Variants in ZEB1 observed in about 807,000 individuals in gnomAD.
ZEB1 encodes the protein zinc finger E-box binding homeobox 1, also known as zinc finger E-box-binding homeobox 1.
ZEB1 carries 21 observed loss-of-function variants against 84.9 expected under a neutral mutation model. The ratio of observed to expected loss-of-function variants is 0.25; its 90% CI spans 0.18 to 0.36. The LOEUF (loss-of-function observed/expected upper bound fraction) is 0.36, where lower values mean the gene tolerates loss of function less well. ZEB1 is among the 10% of genes least tolerant of loss of function. The pLI is 1.00. For synonymous variants in ZEB1, 420 were observed against 471.1 expected (o/e 0.89, Z 1.41); for missense variants, 1,104 against 1,330.2 (o/e 0.83, Z 2.65).
intron 2 of ZEB1, among the ~76,000 whole-genome samples, chr10:31,474,963 A>G (rs1379917483): frequency 6.6e-6 from 1 of 151,962 alleles, no homozygotes; most frequent in South Asian, 2.1e-4. Flanking sequence ...TCGCAAGAAC[A>G]AAAAATCAAA....
chr10:31,506,905 T>C (rs1275052371), intron 4 of ZEB1, among the ~76,000 whole-genome samples: 1 of 152,108 alleles, frequency 6.6e-6, no homozygotes, highest in Non-Finnish European at 1.5e-5. Context: ...TCTTTCTTAT[T>C]TGTACTTGTT....
intron 1 of ZEB1, among the ~76,000 whole-genome samples, chr10:31,443,285 A>G (rs67181802): frequency 0.16 from 25,019 of 151,944 alleles, 2,650 homozygotes; most frequent in East Asian, 0.36. Context: ...TGTGTTGCAC[A>G]TATTTTTCAC....
chr10:31,331,139 G>C (rs1330876678), intron 1 of ZEB1, among the ~76,000 whole-genome samples: 1 of 135,540 alleles, frequency 7.4e-6, no homozygotes, highest in Non-Finnish European at 1.5e-5. Flanking sequence ...GCCCAGGCTG[G>C]AATGCAGTGG....
At chr10:31,374,674 A>G (rs929082502) in intron 1 of ZEB1, 3 of 151,870 alleles carry the variant, frequency 2.0e-5, no homozygotes, top group Admixed American at 2.0e-4. Context: ...TATTTATTAG[A>G]TTGAATTGAT....
intron 2 of ZEB1, among the ~76,000 whole-genome samples, chr10:31,465,518 CTT>C (rs2062310942): frequency 6.6e-6 from 1 of 151,678 alleles, no homozygotes; most frequent in Non-Finnish European, 1.5e-5. Context: ...GCACTTAAAA[CTT>C]TTCAGAAAAC....
intron 2 of ZEB1, among the ~76,000 whole-genome samples, chr10:31,463,004 G>A (rs1456235032): frequency 1.3e-5 from 2 of 152,166 alleles, no homozygotes; most frequent in Non-Finnish European, 2.9e-5. Flanking sequence ...ACTCAGAGAA[G>A]TTGACTTGCT....
chr10:31,362,088 G>A (rs1177486613), intron 1 of ZEB1, among the ~76,000 whole-genome samples: 7 of 149,146 alleles, frequency 4.7e-5, no homozygotes, highest in East Asian at 4.1e-4. Flanking sequence ...TGAGGAGGCC[G>A]GGCAGGGGCA....
chr10:31,526,692 G>A lies in ZEB1; in HGVS notation c.2806G>A (p.Gly936Arg), dbSNP rs1352966657. The A allele has an allele frequency of 2.5e-6, 4 of 1,613,806 alleles. No homozygotes were observed. Among genetic ancestry groups the A allele is most frequent in the East Asian group, 2.2e-5 (1 of 44,836 alleles). ...TGCAGGTAAAAGACCTCATGAGTGT[G>A]GAATCTGTAAAAAGGCATTTAAACA... The part of the protein sequence containing the change: ...EHTGKRPHEC[G>R]ICKKAFKHKH... Residue 936 changes from glycine (G) to arginine (R), a missense_variant, in exon 9 of 9, where the codon GGA (glycine) becomes AGA (arginine). This residue lies in a region of ZEB1 where 53 missense variants were observed against 92.5 expected (regional missense o/e 0.57). Coordinates refer to ENST00000424869, the MANE Select transcript of ZEB1 (RefSeq NM_001174096.2).
At chr10:31,447,916 T>A (rs544860349) in intron 1 of ZEB1, among the ~76,000 whole-genome samples, 12 of 152,256 alleles carry the variant, frequency 7.9e-5, no homozygotes, top group African/African-American at 2.9e-4. Context: ...TTGAGGAGTA[T>A]CTTTTTGGCG....
intron 1 of ZEB1, among the ~76,000 whole-genome samples, chr10:31,406,100 C>T (rs2052966636): frequency 6.6e-6 from 1 of 152,070 alleles, no homozygotes; most frequent in South Asian, 2.1e-4. Context: ...CATTGATGGA[C>T]ATTTGAATTG....
At chr10:31,376,061 T>A (rs1369150021) in intron 1 of ZEB1, among the ~76,000 whole-genome samples, 2 of 151,786 alleles carry the variant, frequency 1.3e-5, no homozygotes, top group Non-Finnish European at 1.5e-5. Flanking sequence ...AGCTACTATT[T>A]ATAGTGAGAT....
chr10:31,443,064 A>G (rs1220039240), intron 1 of ZEB1, among the ~76,000 whole-genome samples: 3 of 152,226 alleles, frequency 2.0e-5, no homozygotes, highest in African/African-American at 7.2e-5. Flanking sequence ...AGAGAGAGCA[A>G]GAAAGTTGAG....
At chr10:31,400,709 C>T (rs796160199) in intron 1 of ZEB1, among the ~76,000 whole-genome samples, 32 of 152,190 alleles carry the variant, frequency 2.1e-4, no homozygotes, top group African/African-American at 7.2e-4. Flanking sequence ...TTTTCAGGAT[C>T]CTTGTTCTGT....
At chr10:31,509,934 T>C (rs764186768) in intron 4 of ZEB1, among the ~76,000 whole-genome samples, 2 of 152,202 alleles carry the variant, frequency 1.3e-5, no homozygotes, top group Non-Finnish European at 2.9e-5. Context: ...TCAGAATGCC[T>C]TTGTTTTCTA....
At chr10:31,430,268 G>A (rs576396515) in intron 1 of ZEB1, among the ~76,000 whole-genome samples, 1 of 152,246 alleles carries the variant, frequency 6.6e-6, no homozygotes, top group South Asian at 2.1e-4. Context: ...GTGTACTGGG[G>A]AAACTGTGTA....
In ZEB1 at chr10:31,521,676, A is replaced by C. The variant is rs779430575; in HGVS notation, c.2344A>C (p.Ser782Arg). 12 of 1,614,182 alleles carry C rather than the reference A, an allele frequency of 7.4e-6. No homozygotes were observed. The South Asian group carries it at 1.3e-4, about 18-fold the overall frequency. ...SCAKKEPQKD[S>R]CVTDSEPVVN... ...CGCAAAAAAGGAGCCACAAAAGGAC[A>C]GTTGTGTTACAGACTCAGAACCAGT... Residue 782 changes from serine (S) to arginine (R), a missense_variant, in exon 7 of 9, where the codon AGT (serine) becomes CGT (arginine). Transcript: ENST00000424869.
chr10:31,443,910 TC>T (rs1166324078), intron 1 of ZEB1, among the ~76,000 whole-genome samples: 4 of 150,968 alleles, frequency 2.6e-5, no homozygotes, highest in African/African-American at 7.4e-5. Context: ...TGATTTATAG[TC>T]CTTTGGGTAT....
chr10:31,431,664 G>T (rs1305418416), intron 1 of ZEB1, among the ~76,000 whole-genome samples: 2 of 151,986 alleles, frequency 1.3e-5, no homozygotes, highest in African/African-American at 2.4e-5. Context: ...CTGAACCTAG[G>T]TGCTACTAAT....
At chr10:31,411,910 C>T (rs962775613) in intron 1 of ZEB1, among the ~76,000 whole-genome samples, 1 of 152,052 alleles carries the variant, frequency 6.6e-6, no homozygotes, top group Non-Finnish European at 1.5e-5. Context: ...TGCTTAAGTT[C>T]ATAAGGATTC....
Sources: gnomAD v4.1 joint callset for allele counts (sites outside exome capture counted in the v4.1 genomes callset) on GRCh38, gnomAD v4.1.1 for gene constraint, gnomAD v4.1.1 regional missense constraint, MANE v1.5 for transcripts, NCBI Gene and HGNC (gene_info 2026-07-23, HGNC 2026-07-21) for gene names.